Variants in WWOX observed in about 807,000 individuals in gnomAD.
WWOX encodes WW domain-containing oxidoreductase.
WWOX carries 69 observed loss-of-function variants against 46.2 expected under a neutral mutation model. The ratio of observed to expected loss-of-function variants is 1.49; its 90% confidence interval spans 1.23 to 1.82. The LOEUF (loss-of-function observed/expected upper bound fraction) is 1.82. WWOX is among the 40% of genes most tolerant of loss of function. The pLI, the probability that WWOX is intolerant of heterozygous loss-of-function variation, is 0.00. For synonymous variants in WWOX, 359 were observed against 202.6 expected (o/e 1.77, Z -6.56); for missense variants, 919 against 542.6 (o/e 1.69, Z -6.89).
At chr16:78,320,741 C>G (rs898616708) in intron 5 of WWOX, among the ~76,000 whole-genome samples, 1 of 152,054 alleles carries the variant, frequency 6.6e-6, no homozygotes, top group Admixed American at 6.6e-5. Flanking sequence ...GACAAATGAT[C>G]CAGCTGTTTT....
intron 8 of WWOX, among the ~76,000 whole-genome samples, chr16:78,438,999 G>T (rs2083390958): frequency 6.6e-6 from 1 of 152,110 alleles, no homozygotes; most frequent in South Asian, 2.1e-4. Flanking sequence ...AATAGATGTT[G>T]ATTTGTTCCT....
chr16:78,496,527 A>T (rs1288757476), intron 8 of WWOX: 2 of 152,210 alleles, frequency 1.3e-5, no homozygotes, highest in African/African-American at 4.8e-5. Flanking sequence ...GATAACATCA[A>T]AGGTGTGTGT....
intron 8 of WWOX, among the ~76,000 whole-genome samples, chr16:79,088,613 A>G (rs1176572828): frequency 2.0e-5 from 3 of 152,220 alleles, no homozygotes; most frequent in Admixed American, 2.0e-4. Context: ...GACTCACTCC[A>G]TGGAGACCAC....
At chr16:78,454,958 A>G (rs1462885699) in intron 8 of WWOX, among the ~76,000 whole-genome samples, 1 of 152,208 alleles carries the variant, frequency 6.6e-6, no homozygotes, top group Admixed American at 6.5e-5. Flanking sequence ...CCTCTGATAA[A>G]TGTTCATTGA....
chr16:78,451,881 G>A (rs985561096), intron 8 of WWOX, among the ~76,000 whole-genome samples: 3 of 152,168 alleles, frequency 2.0e-5, no homozygotes, highest in African/African-American at 7.2e-5. Flanking sequence ...AATCCTTGGG[G>A]AGCCGCCATC....
chr16:78,609,763 A>C (rs2045854103), intron 8 of WWOX, among the ~76,000 whole-genome samples: 1 of 152,220 alleles, frequency 6.6e-6, no homozygotes, highest in Admixed American at 6.5e-5. Context: ...GGTGGGTCCA[A>C]AGTACAGGAA....
intron 5 of WWOX, among the ~76,000 whole-genome samples, chr16:78,285,035 A>G (rs748804233): frequency 1.1e-4 from 16 of 152,192 alleles, no homozygotes; most frequent in Admixed American, 6.5e-5. Flanking sequence ...ATGCTTGGCT[A>G]GCTGGTGGAC....
intron 8 of WWOX, among the ~76,000 whole-genome samples, chr16:78,942,755 A>G (rs779956487): frequency 6.6e-6 from 1 of 152,202 alleles, no homozygotes; most frequent in Non-Finnish European, 1.5e-5. Flanking sequence ...TTGAGACATC[A>G]TTGTGCAGGC....
chr16:78,860,521 C>G (rs1017362309), intron 8 of WWOX, among the ~76,000 whole-genome samples: 4 of 152,138 alleles, frequency 2.6e-5, no homozygotes, highest in African/African-American at 7.2e-5. Flanking sequence ...AAATGGACCT[C>G]TTATCATGTG....
At chr16:78,640,207 G>T (rs1017041581) in intron 8 of WWOX, among the ~76,000 whole-genome samples, 45 of 112,602 alleles carry the variant, frequency 4.0e-4, no homozygotes, top group African/African-American at 1.2e-3. Flanking sequence ...GTGTGTGTGT[G>T]TTTTCTTCTT....
chr16:78,679,924 T>A (rs2047690312), intron 8 of WWOX, among the ~76,000 whole-genome samples: 1 of 152,202 alleles, frequency 6.6e-6, no homozygotes, highest in African/African-American at 2.4e-5. Context: ...CAATGGCAGC[T>A]GAGTGCTTTT....
In WWOX at chr16:79,148,784, A is replaced by C. The variant is rs909633529; in HGVS notation, c.1057-62824A>C. ...TAAGCATTTCATTTTCTTTGGAGCG[A>C]TTGTAAATGGCATTGTGTTTTTAAT... On this transcript the variant is annotated intron_variant, in intron 8 of 8. Transcript: ENST00000566780. Among the ~76,000 whole-genome samples, 4 of 135,030 alleles carry C rather than the reference A, an allele frequency of 3.0e-5. No homozygotes were observed. In the East Asian group the frequency reaches 7.6e-4, roughly 26 times the overall value. 88.6% of individuals were successfully genotyped at this position (135,030 alleles called of 152,430 possible).
At chr16:78,960,433 A>G (rs115689521) in intron 8 of WWOX, among the ~76,000 whole-genome samples, 1,726 of 152,278 alleles carry the variant, frequency 0.011, 27 homozygotes, top group African/African-American at 0.039. Flanking sequence ...TCAATACTTC[A>G]TATGAAAGGA....
intron 5 of WWOX, among the ~76,000 whole-genome samples, chr16:78,180,806 G>A (rs985384212): frequency 2.0e-5 from 3 of 152,158 alleles, no homozygotes; most frequent in African/African-American, 7.2e-5. Flanking sequence ...AAACCCAGCT[G>A]CACCCCAGAG....
chr16:79,107,467 G>T (rs1176882328), intron 8 of WWOX, among the ~76,000 whole-genome samples: 4 of 152,160 alleles, frequency 2.6e-5, no homozygotes, highest in Admixed American at 2.6e-4. Flanking sequence ...ACAAAGAAAA[G>T]AAAAGAAATC....
intron 8 of WWOX, among the ~76,000 whole-genome samples, chr16:78,929,026 A>G (rs564121273): frequency 6.6e-6 from 1 of 152,340 alleles, no homozygotes; most frequent in South Asian, 2.1e-4. Flanking sequence ...ATATAGTTAC[A>G]TTAGATTTTT....
chr16:78,933,491 C>G (rs1467041448), intron 8 of WWOX, among the ~76,000 whole-genome samples: 1 of 152,126 alleles, frequency 6.6e-6, no homozygotes, highest in African/African-American at 2.4e-5. Context: ...GTTCTGAAGA[C>G]CAAGGTGGTG....
intron 5 of WWOX, among the ~76,000 whole-genome samples, chr16:78,307,085 A>G (rs942110252): frequency 7.2e-5 from 11 of 152,124 alleles, no homozygotes; most frequent in African/African-American, 2.4e-4. Context: ...CCTCTACCAT[A>G]TCTTGTTTTC....
chr16:78,183,981 G>A (rs536748999), intron 5 of WWOX, among the ~76,000 whole-genome samples: 1 of 152,028 alleles, frequency 6.6e-6, no homozygotes, highest in Admixed American at 6.6e-5. Context: ...AAACACTTTG[G>A]GCAGGCTTCA....
Sources: gnomAD v4.1 joint callset for allele counts (sites outside exome capture counted in the v4.1 genomes callset) on GRCh38, gnomAD v4.1.1 for gene constraint, MANE v1.5 for transcripts, NCBI Gene and HGNC (gene_info 2026-07-23, HGNC 2026-07-21) for gene names.